The following FRK variants were observed in gnomAD, a reference collection of about 807,000 sequenced individuals.
FRK encodes tyrosine-protein kinase FRK.
In FRK, 51 loss-of-function variants were observed where a neutral mutation model predicts 56.4. The observed-to-expected ratio is 0.90, with a 90% CI of 0.72 to 1.14. The LOEUF (loss-of-function observed/expected upper bound fraction) is 1.14. FRK is among the 50% of genes most tolerant of loss of function. FRK has a pLI of 0.00. For missense variants in FRK, 570 were observed against 601.4 expected, an observed-to-expected ratio of 0.95 and a Z score of 0.55; for synonymous variants, 245 against 217.9, an observed-to-expected ratio of 1.12 and a Z score of -1.10.
At chr6:115,951,001 A>AC (rs902644784) in intron 5 of FRK, among the ~76,000 whole-genome samples, 4 of 152,138 alleles carry the variant, frequency 2.6e-5, no homozygotes, top group African/African-American at 9.7e-5. Context: ...GGGGAACATC[A>AC]CACACCAGGG....
intron 1 of FRK, among the ~76,000 whole-genome samples, chr6:116,021,232 G>T (rs1487005616): frequency 6.6e-6 from 1 of 150,966 alleles, no homozygotes; most frequent in Admixed American, 6.6e-5. Flanking sequence ...ATTACAGTTG[G>T]AAAAACACAA....
intron 1 of FRK, among the ~76,000 whole-genome samples, chr6:116,015,810 G>A (rs185315194): frequency 1.3e-5 from 2 of 152,310 alleles, no homozygotes; most frequent in East Asian, 3.9e-4. Flanking sequence ...TGACAGAGAT[G>A]ATTTAGGGTA....
intron 2 of FRK, among the ~76,000 whole-genome samples, chr6:115,971,693 A>G (rs183666312): frequency 1.3e-5 from 2 of 152,252 alleles, no homozygotes; most frequent in Admixed American, 1.3e-4. Flanking sequence ...GTCTCAATTC[A>G]AGCCTAGATG....
chr6:116,005,431 G>A (rs1775213161), intron 1 of FRK, among the ~76,000 whole-genome samples: 2 of 152,146 alleles, frequency 1.3e-5, no homozygotes, highest in Non-Finnish European at 2.9e-5. Flanking sequence ...ATCGCAGGCT[G>A]GTTCCTAGAG....
rs186930783 is a variant in FRK at position 116,030,225 on chromosome 6, G to A, written c.345-26227C>T. 2.4e-3 allele frequency among the ~76,000 whole-genome samples: 359 copies of A among 152,142 alleles called. 1 individual carries two copies. The highest frequency in any genetic ancestry group is 4.0e-3 in the Non-Finnish European group (272 of 67,994). ...TCAATTTCTTTTTGATCCTTAGTCA[G>A]GGACAGAGGTAAGGGAGAGAGGATG... On this transcript the variant is annotated intron_variant, in intron 1 of 7. Transcript: ENST00000606080.
intron 1 of FRK, among the ~76,000 whole-genome samples, 158 bp downstream of exon 1, chr6:116,059,809 CG>C (rs1777548228): frequency 6.6e-6 from 1 of 152,088 alleles, no homozygotes; most frequent in Non-Finnish European, 1.5e-5. Context: ...ACTCACTTAG[CG>C]GGGGAGGTGT....
rs559698194 is a variant in FRK, at chr6:116,042,415, AG to A, written c.344+17552del. Among the ~76,000 whole-genome samples the A allele has an allele frequency of 2.3e-4, 35 of 152,328 alleles. 1 individual carries two copies. In the South Asian group the frequency reaches 6.8e-3, roughly 30 times the overall value. ...GCAAAAACCCCACATGCCAGAATAG[AG>A]TGGGGGACAATATTCAACATTCCTA... On this transcript the variant is annotated intron_variant, in intron 1 of 7. Transcript: ENST00000606080.
At chr6:115,968,785 A>C in intron 2 of FRK, 46 bp from the exon 3 acceptor site, 1 of 1,544,512 alleles carries the variant, frequency 6.5e-7, no homozygotes, top group Non-Finnish European at 8.9e-7. Flanking sequence ...TGCTAAAACC[A>C]AGCAGATTTA....
At chr6:116,077,562 C>T in the FRK span, among the ~76,000 whole-genome samples, 1 of 152,178 alleles carries the variant, frequency 6.6e-6, no homozygotes, top group African/African-American at 2.4e-5. Context: ...CTTCTCTCCT[C>T]TGATTTATTT....
intron 4 of FRK, among the ~76,000 whole-genome samples, chr6:115,958,770 G>T (rs573838270): frequency 1.5e-5 from 1 of 67,260 alleles, no homozygotes; most frequent in Non-Finnish European, 2.7e-5. Context: ...AAAGAAAGAG[G>T]GGGGGGAAGG....
intron 1 of FRK, among the ~76,000 whole-genome samples, chr6:116,009,868 ATTG>A (rs984132064): frequency 3.9e-5 from 6 of 152,222 alleles, no homozygotes; most frequent in Admixed American, 3.9e-4. Flanking sequence ...TCTGCAGGAC[ATTG>A]TTGTATAAAA....
In FRK at chr6:115,958,763, GAAAGA is replaced by G. The variant is rs1477904970; in HGVS notation, c.800-2158_800-2154del. On this transcript the variant is annotated intron_variant, in intron 4 of 7. Coordinates refer to ENST00000606080, the MANE Select transcript of FRK (RefSeq NM_002031.3). ...AGAAAGAAAGAAAGAAAGAAAGAAA[GAAAGA>G]GGGGGGGGAAGGAGAGAGAGAAAGA... Among the ~76,000 whole-genome samples, 11 of 26,244 alleles carry G rather than the reference GAAAGA, an allele frequency of 4.2e-4. 1 individual carries two copies. Among genetic ancestry groups the G allele is most frequent in the African/African-American group, 1.5e-3 (11 of 7,326 alleles). The allele number at this position is 26,244 out of a possible 152,430, so 17.2% of individuals were successfully genotyped here.
At chr6:116,078,624 A>G in the FRK span, among the ~76,000 whole-genome samples, 7 of 152,300 alleles carry the variant, frequency 4.6e-5, no homozygotes, top group Non-Finnish European at 8.8e-5. Flanking sequence ...AGAGTGCATA[A>G]ACTTAAACAT....
intron 1 of FRK, among the ~76,000 whole-genome samples, chr6:116,024,437 C>T (rs1301226658): frequency 6.0e-5 from 9 of 150,346 alleles, no homozygotes; most frequent in Non-Finnish European, 1.3e-4. Context: ...CACAACAGTC[C>T]CCAGAATGTG....
At chr6:116,091,203 G>A in the FRK span, among the ~76,000 whole-genome samples, 1 of 152,024 alleles carries the variant, frequency 6.6e-6, no homozygotes. Context: ...TCTAGCTAAA[G>A]GATTGTAAAT....
In FRK at chr6:116,060,275, C is replaced by T; in HGVS notation, c.37G>A (p.Glu13Lys). 1 of 1,614,102 alleles carries T rather than the reference C, an allele frequency of 6.2e-7. No individual in the cohort carries two copies. The highest frequency in any genetic ancestry group is 8.5e-7 in the Non-Finnish European group (1 of 1,180,018). Residue 13 changes from glutamate to lysine, a missense_variant, in exon 1 of 8, where the codon GAA (glutamate) becomes AAA (lysine). Physicochemically the swap from Glu to Lys is moderately conservative, Grantham distance 56. Transcript: ENST00000606080. ...NICQRLWEYL[E>K]PYLPCLSTEA... ...GTGGACAAACAGGGGAGATAGGGTT[C>T]TAGGTACTCCCAGAGCCTCTGACAG...
At chr6:115,952,643 T>C (rs1249388289) in intron 5 of FRK, among the ~76,000 whole-genome samples, 3 of 151,292 alleles carry the variant, frequency 2.0e-5, no homozygotes, top group African/African-American at 7.3e-5. Context: ...TGCGGCACTA[T>C]TCACAATAGC....
chr6:115,995,866 C>A (rs1190471602), intron 2 of FRK, among the ~76,000 whole-genome samples: 3 of 152,002 alleles, frequency 2.0e-5, no homozygotes, highest in Non-Finnish European at 1.5e-5. Context: ...GCAGTACATA[C>A]CATAACTCAC....
intron 1 of FRK, among the ~76,000 whole-genome samples, chr6:116,054,456 T>A (rs1195619284): frequency 6.9e-6 from 1 of 144,422 alleles, no homozygotes; most frequent in African/African-American, 2.5e-5. Context: ...TATACTATAT[T>A]ATATATAATA....
Sources: gnomAD v4.1 joint callset for allele counts (sites outside exome capture counted in the v4.1 genomes callset) on GRCh38, gnomAD v4.1.1 for gene constraint, MANE v1.5 for transcripts, NCBI Gene and HGNC (gene_info 2026-07-23, HGNC 2026-07-21) for gene names.